The following NRP1 variants were observed in gnomAD, a reference collection of about 807,000 sequenced individuals.
NRP1 encodes the protein neuropilin 1.
In NRP1, 35 loss-of-function variants were observed where a neutral mutation model predicts 106.7. The ratio of observed to expected loss-of-function variants is 0.33; its 90% CI spans 0.25 to 0.43. NRP1 has a LOEUF of 0.43. NRP1 is among the 20% of genes least tolerant of loss of function. NRP1 has a pLI of 1.00. For synonymous variants in NRP1, 437 were observed against 417.9 expected (o/e 1.05, Z -0.56); for missense variants, 1,024 against 1,170.4 (o/e 0.87, Z 1.83).
intron 2 of NRP1, among the ~76,000 whole-genome samples, chr10:33,310,384 G>A (rs1234503779): frequency 1.3e-5 from 2 of 151,202 alleles, no homozygotes; most frequent in Non-Finnish European, 2.9e-5. Flanking sequence ...CCGAGTAGCT[G>A]GGATTACAGG....
chr10:33,237,563 T>C (rs1052331179), intron 6 of NRP1, among the ~76,000 whole-genome samples: 7 of 146,290 alleles, frequency 4.8e-5, no homozygotes, highest in Non-Finnish European at 1.5e-5. Context: ...CTATGATGAA[T>C]ATTTTCCTTC....
At chr10:33,328,519 C>A (rs1353488236) in intron 2 of NRP1, among the ~76,000 whole-genome samples, 1 of 152,136 alleles carries the variant, frequency 6.6e-6, no homozygotes, top group Non-Finnish European at 1.5e-5. Flanking sequence ...TTATATTACT[C>A]TGTTCTTTCC....
At chr10:33,225,796 G>GGA (rs1554785188) in intron 7 of NRP1, among the ~76,000 whole-genome samples, 8 of 152,208 alleles carry the variant, frequency 5.3e-5, no homozygotes, top group Non-Finnish European at 8.8e-5. Context: ...ATCGAGGGGG[G>GGA]AAAAACAACA....
intron 9 of NRP1, 56 bp downstream of exon 9, chr10:33,213,330 C>T: frequency 6.2e-7 from 1 of 1,614,112 alleles, no homozygotes; most frequent in South Asian, 1.1e-5. Flanking sequence ...TGCCAGAGGC[C>T]CTTGATTGAA....
intron 2 of NRP1, among the ~76,000 whole-genome samples, chr10:33,330,298 A>G (rs1848180425): frequency 6.6e-6 from 1 of 152,038 alleles, no homozygotes; most frequent in South Asian, 2.1e-4. Context: ...GAGATCTCCA[A>G]TCACACTATC....
chr10:33,316,020 C>T (rs1318442600), intron 2 of NRP1, among the ~76,000 whole-genome samples: 1 of 152,184 alleles, frequency 6.6e-6, no homozygotes, highest in African/African-American at 2.4e-5. Flanking sequence ...TATTTGGCCT[C>T]CTGTGGCTCC....
chr10:33,227,674 T>A (rs565441306), intron 6 of NRP1, among the ~76,000 whole-genome samples: 19 of 152,162 alleles, frequency 1.2e-4, no homozygotes, highest in African/African-American at 4.3e-4. Flanking sequence ...CTGTCTCATA[T>A]CCTGAGGGGT....
intron 9 of NRP1, 141 bp downstream of exon 9, chr10:33,213,245 G>C (rs1384744256): frequency 6.3e-7 from 1 of 1,597,834 alleles, no homozygotes; most frequent in East Asian, 2.3e-5. Context: ...TAGAATCAAG[G>C]GTCTTACTGA....
chr10:33,183,566 T>G (rs1307613750), intron 15 of NRP1, among the ~76,000 whole-genome samples: 2 of 152,196 alleles, frequency 1.3e-5, no homozygotes, highest in Non-Finnish European at 2.9e-5. Flanking sequence ...CAAAAATAGA[T>G]AAATACATAA....
At chr10:33,266,312 G>A (rs1842913157) in intron 3 of NRP1, among the ~76,000 whole-genome samples, 1 of 152,110 alleles carries the variant, frequency 6.6e-6, no homozygotes, top group African/African-American at 2.4e-5. Flanking sequence ...ATGGGGCGAT[G>A]GACAAGAACT....
chr10:33,299,081 A>C (rs1845617981), intron 2 of NRP1, among the ~76,000 whole-genome samples: 1 of 152,114 alleles, frequency 6.6e-6, no homozygotes, highest in Non-Finnish European at 1.5e-5. Context: ...CACTGAGATA[A>C]ATGAGGCATG....
At position 33,305,768 on chromosome 10, in the gene NRP1, C is replaced by CT. The variant is rs531768463; in HGVS notation, c.248+24939dup. 5.3e-4 allele frequency among the ~76,000 whole-genome samples: 80 copies of CT among 150,972 alleles called. No individual in the cohort carries two copies. In the East Asian group the frequency reaches 8.0e-3, roughly 15 times the overall value. On this transcript the variant is annotated intron_variant, in intron 2 of 16. Coordinates refer to ENST00000374867, the MANE Select transcript of NRP1 (RefSeq NM_003873.7). The stretch of plus-strand genomic sequence containing the variant: ...TTGTAAAAAAAAAAAAAAATCTGTT[C>CT]TTTTTTTCTTTTTTCTTTGAGATAG...
rs777498851 is a variant in NRP1, at chr10:33,192,297, G to C, written c.2046C>G (p.Pro682=). 5.6e-6 allele frequency: 9 copies of C among 1,613,506 alleles called. No individual in the cohort carries two copies. In the Admixed American group the frequency reaches 1.3e-4, roughly 24 times the overall value. ...CTGTGATACCTGTGTGATCCTGAAT[G>C]GGTCCCGTCTTGCTGGTCAACACAC... is the stretch of plus-strand genomic sequence containing the variant. ...KWSVLTSKTG[P]IQDHTGDGNF... The change falls in exon 13 of 17, where the codon CCC becomes CCG. Residue 682 remains proline, a synonymous_variant. Coordinates refer to ENST00000374867, the MANE Select transcript of NRP1 (RefSeq NM_003873.7).
intron 2 of NRP1, among the ~76,000 whole-genome samples, chr10:33,299,533 C>G (rs1450606507): frequency 1.3e-5 from 2 of 152,160 alleles, no homozygotes; most frequent in Non-Finnish European, 2.9e-5. Context: ...AATGCCAGCA[C>G]TTTGAGAGGC....
chr10:33,206,207 A>G (rs746331815), intron 10 of NRP1: 1 of 518,866 alleles, frequency 1.9e-6, no homozygotes, highest in Non-Finnish European at 3.8e-6. Flanking sequence ...GCATCCAGGG[A>G]GCAGACTCCT....
At chr10:33,327,498 G>C (rs1847971653) in intron 2 of NRP1, among the ~76,000 whole-genome samples, 1 of 152,074 alleles carries the variant, frequency 6.6e-6, no homozygotes, top group South Asian at 2.1e-4. Context: ...TTCAGAATGT[G>C]GTTTTAACTG....
At chr10:33,216,823 C>T (rs2132850141) in intron 8 of NRP1, among the ~76,000 whole-genome samples, 1 of 152,178 alleles carries the variant, frequency 6.6e-6, no homozygotes, top group African/African-American at 2.4e-5. Flanking sequence ...AGGACACGAA[C>T]TAAGTCATAT....
chr10:33,188,695 G>A (rs1462557856), intron 13 of NRP1, among the ~76,000 whole-genome samples: 1 of 151,696 alleles, frequency 6.6e-6, no homozygotes, highest in Non-Finnish European at 1.5e-5. Flanking sequence ...TGGCCAACAT[G>A]ACAAAACCAT....
At chr10:33,205,956 A>G (rs1837740917) in intron 10 of NRP1, 1 of 218,156 alleles carries the variant, frequency 4.6e-6, no homozygotes, top group African/African-American at 2.3e-5. Flanking sequence ...TCTTTGTTTC[A>G]AAGTTAAACT....
Sources: allele counts gnomAD v4.1 joint callset (sites outside exome capture counted in the v4.1 genomes callset), GRCh38; gene constraint gnomAD v4.1.1; transcripts MANE v1.5; gene names NCBI Gene and HGNC (gene_info 2026-07-23, HGNC 2026-07-21).